The following CLCNKB variants were observed in gnomAD, a reference collection of about 807,000 sequenced individuals.
CLCNKB encodes the protein chloride channel protein ClC-Kb.
A neutral mutation model predicts 83.8 loss-of-function variants in CLCNKB; 74 were observed. That is an observed-to-expected ratio of 0.88 (90% CI 0.73 to 1.07). The LOEUF (loss-of-function observed/expected upper bound fraction) is 1.07. Ranked by LOEUF, CLCNKB falls within the 50% of genes least tolerant of loss-of-function variation. The pLI is 0.00. For missense variants in CLCNKB, 798 were observed against 893.6 expected (o/e 0.89, Z 1.36); for synonymous variants, 358 against 356.6 (o/e 1.00, Z -0.04).
At chr1:16,051,281 A>T (rs1355100483) in intron 12 of CLCNKB, among the ~76,000 whole-genome samples, 197 bp from the exon 13 acceptor site, 4 of 152,192 alleles carry the variant, frequency 2.6e-5, no homozygotes, top group African/African-American at 9.7e-5. Flanking sequence ...AAAGGAATGT[A>T]CCTGGCACAG....
chr1:16,048,708 C>A, intron 7 of CLCNKB, 126 bp downstream of exon 7: 2 of 1,508,834 alleles, frequency 1.3e-6, no homozygotes, highest in African/African-American at 1.4e-5. Context: ...ACTTCAGCCC[C>A]GCCTTGGGCA....
intron 12 of CLCNKB, 125 bp downstream of exon 12, chr1:16,051,173 T>A (rs1479413844): frequency 1.4e-6 from 2 of 1,427,346 alleles, no homozygotes; most frequent in Non-Finnish European, 1.9e-6. Context: ...ATGTGCCCCC[T>A]GCCCATTGCA....
At chr1:16,048,286 G>T (rs1391072556) in intron 5 of CLCNKB, 57 bp from the exon 6 acceptor site, 7 of 1,591,422 alleles carry the variant, frequency 4.4e-6, no homozygotes, top group Non-Finnish European at 6.0e-6. Context: ...GCTGACTCTG[G>T]GTGAGACCGT....
At chr1:16,051,619 T>G (rs945237221) in intron 13 of CLCNKB, 72 bp downstream of exon 13, 1 of 1,606,334 alleles carries the variant, frequency 6.2e-7, no homozygotes, top group Non-Finnish European at 8.5e-7. Flanking sequence ...TGGTTCACCC[T>G]CCCCAGGTTG....
Position 16,056,420 on chromosome 1 carries a change from A to G in CLCNKB, c.1930-2A>G. 1 of 1,613,962 alleles carries G rather than the reference A, an allele frequency of 6.2e-7. No homozygotes were observed. The highest frequency in any genetic ancestry group is 8.5e-7 in the Non-Finnish European group (1 of 1,179,928). ...CAGTGTTTCCTAACATCCCCCATCC[A>G]GGCACACAACCTCTTTGAGCTGTTG... On this transcript the variant is annotated splice_acceptor_variant, in intron 18 of 19. Coordinates refer to ENST00000375679, the MANE Select transcript of CLCNKB (RefSeq NM_000085.5). LOFTEE classifies it high-confidence loss of function.
rs779798035 is a variant in CLCNKB at position 16,050,908 on chromosome 1, G to A, written c.1087G>A (p.Asp363Asn). 12 of 1,612,416 alleles carry A rather than the reference G, an allele frequency of 7.4e-6. No individual in the cohort carries two copies. The Admixed American group carries it at 8.3e-5, about 11-fold the overall frequency. ...GAAGCAGCATCTGGACTCGCTGTTCGACAACCACTCCTGGGCGCTGATGAC... is the reference window on the plus strand; with the variant it reads ...GAAGCAGCATCTGGACTCGCTGTTCAACAACCACTCCTGGGCGCTGATGAC... ...SMKQHLDSLF[D>N]NHSWALMTQN... The change falls in exon 12 of 20, where the codon GAC (aspartate) becomes AAC (asparagine). Residue 363 changes from aspartate to asparagine, a missense_variant. Transcript: ENST00000375679.
chr1:16,048,854 G>A, intron 7 of CLCNKB: 1 of 1,441,698 alleles, frequency 6.9e-7, no homozygotes, highest in Non-Finnish European at 9.1e-7. Context: ...TCTGAGCCCG[G>A]CTTCCTCCTC....
At chr1:16,051,270 G>T (rs2023281527) in intron 12 of CLCNKB, among the ~76,000 whole-genome samples, 1 of 152,166 alleles carries the variant, frequency 6.6e-6, no homozygotes, top group Non-Finnish European at 1.5e-5. Context: ...TAAGGAGGAA[G>T]AAAGGAATGT....
chr1:16,047,492 C>A (rs958678486), intron 4 of CLCNKB, among the ~76,000 whole-genome samples: 31 of 150,940 alleles, frequency 2.1e-4, no homozygotes, highest in African/African-American at 7.7e-4. Flanking sequence ...GAATCCTAAC[C>A]CAGCTGGGCA....
chr1:16,046,437 C>G (rs1419166995), intron 3 of CLCNKB, 98 bp from the exon 4 acceptor site: 5 of 1,542,650 alleles, frequency 3.2e-6, no homozygotes, highest in Non-Finnish European at 4.4e-6. Flanking sequence ...CTCCCCTCTT[C>G]GTGACTCCAT....
intron 9 of CLCNKB, 43 bp from the exon 10 acceptor site, chr1:16,049,772 G>T: frequency 6.2e-7 from 1 of 1,613,522 alleles, no homozygotes; most frequent in African/African-American, 1.3e-5. Flanking sequence ...GCGGCCCCTG[G>T]TACTGGGGTC....
At position 16,049,853 on chromosome 1, in the gene CLCNKB, G is replaced by A. The variant is rs765349510; in HGVS notation, c.905G>A (p.Cys302Tyr). ...CGILGSAYLF[C>Y]QRIFFGFIRN... ...ATCCTGGGCAGCGCTTACCTCTTCT[G>A]TCAGCGAATCTTCTTTGGCTTCATC... The change falls in exon 10 of 20, where the codon TGT becomes TAT. Residue 302 changes from cysteine (C) to tyrosine (Y), a missense_variant. Cys to Tyr is a radical substitution (Grantham distance 194). Coordinates refer to ENST00000375679, the MANE Select transcript of CLCNKB (RefSeq NM_000085.5). 8.1e-6 allele frequency: 13 copies of A among 1,613,704 alleles called. No homozygotes were observed. The East Asian group carries it at 2.9e-4, about 36-fold the overall frequency.
Position 16,051,695 on chromosome 1 carries a change from TAA to T in CLCNKB, c.1298-14_1298-13del, listed in dbSNP as rs746053021. 4 of 1,612,032 alleles carry T rather than the reference TAA, an allele frequency of 2.5e-6. No homozygotes were observed. Among genetic ancestry groups the T allele is most frequent in the Admixed American group, 3.3e-5 (2 of 60,000 alleles). ...GGGTCAGCCTGGCTCCCCCTCACCC[TAA>T]GTCTGTGGCCAGGAGCTGCTATCGG... is the stretch of plus-strand genomic sequence containing the variant. On this transcript the variant is annotated splice_polypyrimidine_tract_variant and intron_variant, in intron 13 of 19. Coordinates refer to ENST00000375679, the MANE Select transcript of CLCNKB (RefSeq NM_000085.5).
Position 16,056,509 on chromosome 1 carries a change from G to A in CLCNKB, c.2016+1G>A, listed in dbSNP as rs1348712210. On this transcript the variant is annotated splice_donor_variant, in intron 19 of 19. Coordinates refer to ENST00000375679, the MANE Select transcript of CLCNKB (RefSeq NM_000085.5). LOFTEE classifies it high-confidence loss of function. ...TGTGGGCTGCGTGTCCTGGGTGGAG[G>A]TACCAGGGTCCCGGGGGCAGAGCAA... 2 of 1,592,234 alleles carry A rather than the reference G, an allele frequency of 1.3e-6. No individual in the cohort carries two copies. The highest frequency in any genetic ancestry group is 8.6e-7 in the Non-Finnish European group (1 of 1,166,812).
Position 16,050,978 on chromosome 1 carries a change from A to G in CLCNKB, c.1157A>G (p.His386Arg). 6.2e-7 allele frequency: 1 copy of G among 1,613,962 alleles called. No individual in the cohort carries two copies. Among genetic ancestry groups the G allele is most frequent in the African/African-American group, 1.3e-5 (1 of 75,002 alleles). The change falls in exon 12 of 20, where the codon CAC becomes CGC. Residue 386 changes from histidine to arginine, a missense_variant. Transcript: ENST00000375679. ...TGGCCCGAGGAGCTCGACCCCCAGC[A>G]CCTGTGGTGGGAATGGTACCACCCG... The part of the protein sequence containing the change: ...PPWPEELDPQ[H>R]LWWEWYHPRF...
chr1:16,057,193 A>T lies in CLCNKB; in HGVS notation c.*277A>T. 1 of 688,850 alleles carries T rather than the reference A, an allele frequency of 1.5e-6. No homozygotes were observed. The highest frequency in any genetic ancestry group is 2.7e-6 in the Non-Finnish European group (1 of 367,262). 42.7% of individuals were successfully genotyped at this position (688,850 alleles called of 1,614,324 possible). A position where few individuals can be genotyped will look rare whatever the true frequency, so the allele number is the denominator to read the frequency against. ...GCCAGTTGCTCAGTGACTGGCCATC[A>T]CATTAATGAATGATGAGATTGGAGT... On this transcript the variant is annotated 3_prime_UTR_variant, in exon 20 of 20. Transcript: ENST00000375679.
intron 16 of CLCNKB, among the ~76,000 whole-genome samples, chr1:16,054,909 A>C (rs1163381053): frequency 6.6e-6 from 1 of 152,118 alleles, no homozygotes; most frequent in Admixed American, 6.5e-5. Context: ...ACTCAACAGA[A>C]AGCAAAAACA....
chr1:16,053,459 T>C (rs923177780), intron 15 of CLCNKB, among the ~76,000 whole-genome samples, 180 bp from the exon 16 acceptor site: 1 of 152,046 alleles, frequency 6.6e-6, no homozygotes, highest in Non-Finnish European at 1.5e-5. Context: ...GGCGATGTGG[T>C]CCCCAGGTTT....
intron 7 of CLCNKB, chr1:16,048,799 A>G: frequency 6.9e-7 from 1 of 1,447,528 alleles, no homozygotes; most frequent in Non-Finnish European, 9.0e-7. Context: ...AACATTATAC[A>G]GACTTGGGTT....
Sources: allele counts gnomAD v4.1 joint callset (sites outside exome capture counted in the v4.1 genomes callset), GRCh38; gene constraint gnomAD v4.1.1; transcripts MANE v1.5; gene names NCBI Gene and HGNC (gene_info 2026-07-23, HGNC 2026-07-21).